FER: variants seen among roughly 807,000 people sequenced by gnomAD.
FER encodes FER tyrosine kinase, also known as tyrosine-protein kinase Fer.
Under a neutral mutation model 111.0 loss-of-function variants are expected in FER, and 63 were observed. The ratio of observed to expected loss-of-function variants is 0.57; its 90% CI spans 0.46 to 0.70. FER has a LOEUF of 0.70. Among genes scored for constraint, FER ranks in the 30% least tolerant of loss-of-function variants. The pLI is 0.00. For missense variants in FER, 914 were observed against 954.0 expected, an observed-to-expected ratio of 0.96 and a Z score of 0.55; for synonymous variants, 327 against 313.9, an observed-to-expected ratio of 1.04 and a Z score of -0.44.
At chr5:109,127,278 A>G (rs929049772) in intron 17 of FER, among the ~76,000 whole-genome samples, 2 of 152,236 alleles carry the variant, frequency 1.3e-5, no homozygotes, top group African/African-American at 4.8e-5. Context: ...TTTCATTAGA[A>G]CATATAGTAA....
rs538794539 is a variant in FER, at chr5:109,146,275, T to TCTA, written c.2049-34472_2049-34471insCTA. ...TCTAATATATATATATATATATATA[T>TCTA]ATATATATATATATATCTTGGGTAG... On this transcript the variant is annotated intron_variant, in intron 17 of 19. Transcript: ENST00000281092. 1.4e-3 allele frequency among the ~76,000 whole-genome samples: 85 copies of TCTA among 61,564 alleles called. 4 individuals carry two copies. Among genetic ancestry groups the TCTA allele is most frequent in the African/African-American group, 2.8e-3 (42 of 15,112 alleles). 40.4% of individuals were successfully genotyped at this position (61,564 alleles called of 152,430 possible). A position where few individuals can be genotyped will look rare whatever the true frequency, so the allele number is the denominator to read the frequency against.
chr5:108,799,123 T>C (rs1216607979), intron 3 of FER, among the ~76,000 whole-genome samples: 1 of 152,192 alleles, frequency 6.6e-6, no homozygotes, highest in African/African-American at 2.4e-5. Context: ...TACAAAAATA[T>C]TAGTATATTG....
intron 5 of FER, among the ~76,000 whole-genome samples, chr5:108,858,807 C>G (rs1184204347): frequency 7.7e-6 from 1 of 130,654 alleles, no homozygotes; most frequent in African/African-American, 2.9e-5. Flanking sequence ...GTCTCTTGCT[C>G]GTTTTTTCAT....
At position 109,139,404 on chromosome 5, in the gene FER, G is replaced by A. The variant is rs1191606360; in HGVS notation, c.2048+38885G>A. Among the ~76,000 whole-genome samples, 3 of 143,458 alleles carry A rather than the reference G, an allele frequency of 2.1e-5. No individual in the cohort carries two copies. The Admixed American group carries it at 2.1e-4, about 10-fold the overall frequency. The allele number at this position is 143,458 out of a possible 152,430, so 94.1% of individuals were successfully genotyped here. On this transcript the variant is annotated intron_variant, in intron 17 of 19. Coordinates refer to ENST00000281092, the MANE Select transcript of FER (RefSeq NM_005246.4). ...CTCGCTCTGTTGCCCAGGCTGGAGT[G>A]CAGTGGTGCGATCTCGGCTCACTGC...
intron 17 of FER, among the ~76,000 whole-genome samples, chr5:109,112,203 C>T (rs1749705353): frequency 6.6e-6 from 1 of 151,642 alleles, no homozygotes; most frequent in South Asian, 2.1e-4. Context: ...AACTAAATGG[C>T]AGTTCAAATT....
intron 13 of FER, among the ~76,000 whole-genome samples, chr5:109,017,115 A>G (rs966757859): frequency 1.3e-5 from 2 of 152,038 alleles, no homozygotes; most frequent in African/African-American, 4.8e-5. Context: ...TCTTATTTCT[A>G]TTGCATAGTT....
At chr5:108,986,642 C>A (rs972435467) in intron 13 of FER, among the ~76,000 whole-genome samples, 1 of 152,128 alleles carries the variant, frequency 6.6e-6, no homozygotes, top group Non-Finnish European at 1.5e-5. Flanking sequence ...AAATGAGGAT[C>A]CAATTTCATT....
At chr5:109,000,234 G>C (rs529107971) in intron 13 of FER, among the ~76,000 whole-genome samples, 1 of 151,502 alleles carries the variant, frequency 6.6e-6, no homozygotes, top group Non-Finnish European at 1.5e-5. Flanking sequence ...AATGTAAAAC[G>C]TGTTTATCAA....
At position 109,191,309 on chromosome 5, in the gene FER, A is replaced by G. The variant is rs1759358891; in HGVS notation, c.*3734A>G. ...TGTACCTGAAAACCTTACTTAGTAT[A>G]CTGTGTACACTGTTTAATGGCCATG... is the stretch of plus-strand genomic sequence containing the variant. On this transcript the variant is annotated 3_prime_UTR_variant, in exon 20 of 20. Transcript: ENST00000281092. 6.6e-6 allele frequency: 1 copy of G among 152,160 alleles called. No individual in the cohort carries two copies. Among genetic ancestry groups the G allele is most frequent in the African/African-American group, 2.4e-5 (1 of 41,430 alleles). 9.4% of individuals were successfully genotyped at this position (152,160 alleles called of 1,614,324 possible).
At position 109,160,116 on chromosome 5, in the gene FER, T is replaced by C. The variant is rs1025142880; in HGVS notation, c.2049-20631T>C. ...GTCATTCATGCTTACTACATTCAGA[T>C]GTAGTATAAGAAAAACAAGGCATCC... On this transcript the variant is annotated intron_variant, in intron 17 of 19. Transcript: ENST00000281092. Among the ~76,000 whole-genome samples the C allele has an allele frequency of 1.6e-4, 24 of 152,184 alleles. 1 individual carries two copies. Among genetic ancestry groups the C allele is most frequent in the Admixed American group, 5.9e-4 (9 of 15,264 alleles).
intron 17 of FER, among the ~76,000 whole-genome samples, chr5:109,113,621 G>T (rs1401265034): frequency 6.6e-6 from 1 of 152,102 alleles, no homozygotes; most frequent in African/African-American, 2.4e-5. Flanking sequence ...CATACACAGC[G>T]CAAGCCGGGA....
At chr5:108,834,315 T>G (rs767090905) in intron 4 of FER, among the ~76,000 whole-genome samples, 1 of 152,208 alleles carries the variant, frequency 6.6e-6, no homozygotes. Context: ...TGCAGTTTTA[T>G]ATCAGGAGGT....
intron 17 of FER, among the ~76,000 whole-genome samples, chr5:109,109,569 C>T (rs748199781): frequency 1.3e-5 from 2 of 152,110 alleles, no homozygotes; most frequent in Non-Finnish European, 2.9e-5. Context: ...CTCCAGTACA[C>T]TGATTCAGGT....
At chr5:109,135,527 C>T (rs561801379) in intron 17 of FER, among the ~76,000 whole-genome samples, 1 of 149,680 alleles carries the variant, frequency 6.7e-6, no homozygotes, top group South Asian at 2.1e-4. Context: ...AATGGTTCAA[C>T]CTAATGTCAT....
At chr5:108,858,835 T>C (rs1763251269) in intron 5 of FER, among the ~76,000 whole-genome samples, 3 of 151,002 alleles carry the variant, frequency 2.0e-5, no homozygotes, top group Admixed American at 6.6e-5. Flanking sequence ...AACAGCTGCA[T>C]GCCACTTTAT....
chr5:108,943,738 T>C (rs1756591117), intron 10 of FER, among the ~76,000 whole-genome samples: 1 of 152,052 alleles, frequency 6.6e-6, no homozygotes, highest in South Asian at 2.1e-4. Flanking sequence ...TTGTTTTTAT[T>C]TTTTGTTTGT....
intron 16 of FER, among the ~76,000 whole-genome samples, chr5:109,084,277 A>G (rs114276591): frequency 3.3e-5 from 5 of 151,986 alleles, no homozygotes; most frequent in Non-Finnish European, 7.4e-5. Flanking sequence ...TTATTGCCAC[A>G]CATACATCTT....
intron 13 of FER, among the ~76,000 whole-genome samples, chr5:108,962,895 A>G (rs1331776541): frequency 6.6e-6 from 1 of 152,132 alleles, no homozygotes; most frequent in Non-Finnish European, 1.5e-5. Context: ...ACCACTATAT[A>G]TTTTTCCAGA....
At chr5:108,977,165 T>C (rs1288634382) in intron 13 of FER, among the ~76,000 whole-genome samples, 1 of 152,224 alleles carries the variant, frequency 6.6e-6, no homozygotes, top group Non-Finnish European at 1.5e-5. Context: ...TAGTAATGTA[T>C]GTACTACAGT....
Sources: allele counts gnomAD v4.1 joint callset (sites outside exome capture counted in the v4.1 genomes callset), GRCh38; gene constraint gnomAD v4.1.1; transcripts MANE v1.5; gene names NCBI Gene and HGNC (gene_info 2026-07-23, HGNC 2026-07-21).